The following UNC13B variants were observed in gnomAD, a reference collection of about 807,000 sequenced individuals.
The protein encoded by UNC13B is unc-13 homolog B, also known as protein unc-13 homolog B.
UNC13B carries 144 observed loss-of-function variants against 211.0 expected under a neutral mutation model. That is an observed-to-expected ratio of 0.68 (90% CI 0.60 to 0.78). The LOEUF is 0.78. UNC13B is among the 30% of genes least tolerant of loss of function. UNC13B has a pLI of 0.00. For synonymous variants in UNC13B, 709 were observed against 725.8 expected, an observed-to-expected ratio of 0.98 and a Z score of 0.37; for missense variants, 1,777 against 2,002.0, an observed-to-expected ratio of 0.89 and a Z score of 2.14.
chr9:35,351,273 A>T, intron 11 of UNC13B: 1 of 1,165,972 alleles, frequency 8.6e-7, no homozygotes. Flanking sequence ...ACCTGAGTGC[A>T]CTATTTTCCT....
rs1178923171 is a variant in UNC13B at position 35,403,563 on chromosome 9, A to T, written c.12701A>T (p.Asn4234Ile). ...AAGTTCACAACCAAATCCAAAAGCA[A>T]CAACTGGGCCCCCAAGTACAATGAG... ...KRKFTTKSKS[N>I]NWAPKYNETF... Residue 4234 changes from asparagine to isoleucine, a missense_variant, in exon 39 of 40, where the codon AAC (asparagine) becomes ATC (isoleucine). Asn to Ile is a moderately radical substitution (Grantham distance 149). Coordinates refer to ENST00000635942, the MANE Select transcript of UNC13B (RefSeq NM_001371189.2). 17 of 1,596,910 alleles carry T rather than the reference A, an allele frequency of 1.1e-5. No homozygotes were observed. Among genetic ancestry groups the T allele is most frequent in the Non-Finnish European group, 1.3e-5 (15 of 1,170,474 alleles).
At chr9:35,377,290 A>C (rs1438890680) in intron 15 of UNC13B, among the ~76,000 whole-genome samples, 178 bp from the exon 16 acceptor site, 1 of 152,220 alleles carries the variant, frequency 6.6e-6, no homozygotes, top group Non-Finnish European at 1.5e-5. Flanking sequence ...ACTTGGCCAA[A>C]ATCCATCATG....
intron 6 of UNC13B, among the ~76,000 whole-genome samples, chr9:35,247,769 A>G (rs547188082): frequency 1.3e-4 from 20 of 152,302 alleles, no homozygotes; most frequent in African/African-American, 4.3e-4. Flanking sequence ...TATTTTATTA[A>G]GGATTTTTGC....
At chr9:35,179,467 A>G (rs1485314106) in intron 1 of UNC13B, among the ~76,000 whole-genome samples, 1 of 152,116 alleles carries the variant, frequency 6.6e-6, no homozygotes, top group East Asian at 1.9e-4. Context: ...CTAAAACTGT[A>G]TCTATAAGTA....
intron 7 of UNC13B, among the ~76,000 whole-genome samples, chr9:35,269,652 G>A (rs1363938607): frequency 6.6e-6 from 1 of 152,156 alleles, no homozygotes; most frequent in Non-Finnish European, 1.5e-5. Flanking sequence ...TATCACATTA[G>A]CATTAACTCA....
chr9:35,381,514 A>G (rs1834835692), intron 19 of UNC13B, 42 bp from the exon 20 acceptor site: 3 of 1,569,310 alleles, frequency 1.9e-6, no homozygotes, highest in Non-Finnish European at 8.6e-7. Flanking sequence ...TGTCTTTCAT[A>G]TGTGTTTAAC....
intron 11 of UNC13B, among the ~76,000 whole-genome samples, chr9:35,341,532 G>T (rs1038281404): frequency 1.3e-5 from 2 of 152,172 alleles, no homozygotes; most frequent in Non-Finnish European, 2.9e-5. Flanking sequence ...CTGTGTTCCG[G>T]CTTCCCTCTG....
chr9:35,173,034 A>T (rs973058154), intron 1 of UNC13B, among the ~76,000 whole-genome samples: 1 of 152,144 alleles, frequency 6.6e-6, no homozygotes, highest in Non-Finnish European at 1.5e-5. Context: ...TTCTCTTGCA[A>T]CTGTTTGCTT....
At chr9:35,245,903 C>A (rs956204438) in intron 6 of UNC13B, among the ~76,000 whole-genome samples, 1 of 152,150 alleles carries the variant, frequency 6.6e-6, no homozygotes, top group Non-Finnish European at 1.5e-5. Flanking sequence ...ATTTCTAGTT[C>A]TAGATCCCTG....
chr9:35,346,084 G>A (rs1007912169), intron 11 of UNC13B, among the ~76,000 whole-genome samples: 1 of 152,094 alleles, frequency 6.6e-6, no homozygotes, highest in Admixed American at 6.5e-5. Context: ...GCCATATCTT[G>A]TGCCCTGATC....
At chr9:35,342,744 A>G (rs1042575126) in intron 11 of UNC13B, among the ~76,000 whole-genome samples, 9 of 152,228 alleles carry the variant, frequency 5.9e-5, no homozygotes, top group Non-Finnish European at 1.3e-4. Flanking sequence ...TCCAGCTTGC[A>G]TATATGAATA....
At chr9:35,390,512 C>T (rs1468412911) in intron 25 of UNC13B, 117 bp from the exon 26 acceptor site, 6 of 1,168,898 alleles carry the variant, frequency 5.1e-6, no homozygotes, top group African/African-American at 1.6e-5. Flanking sequence ...AGCCCTGTTC[C>T]CTAAGCATCT....
At chr9:35,264,840 G>A (rs1237427871) in intron 7 of UNC13B, among the ~76,000 whole-genome samples, 1 of 152,144 alleles carries the variant, frequency 6.6e-6, no homozygotes, top group Non-Finnish European at 1.5e-5. Context: ...GACTTGCTTA[G>A]GACCTGTCAC....
intron 7 of UNC13B, among the ~76,000 whole-genome samples, 198 bp downstream of exon 7, chr9:35,259,248 A>G (rs777361482): frequency 2.0e-5 from 3 of 151,972 alleles, no homozygotes; most frequent in Admixed American, 6.6e-5. Context: ...TCGGTTTTGT[A>G]TGGGGGGAGT....
chr9:35,237,886 A>G (rs1160556267), intron 5 of UNC13B, 60 bp downstream of exon 5: 4 of 1,522,838 alleles, frequency 2.6e-6, no homozygotes, highest in African/African-American at 1.4e-5. Context: ...ATTGTTTGCT[A>G]GTTGTTTCAT....
intron 1 of UNC13B, among the ~76,000 whole-genome samples, chr9:35,207,129 A>G (rs1263377214): frequency 6.6e-6 from 1 of 152,068 alleles, no homozygotes; most frequent in African/African-American, 2.4e-5. Context: ...TTCAAGCTCA[A>G]AGTTACTATT....
intron 3 of UNC13B, among the ~76,000 whole-genome samples, chr9:35,232,350 GT>G: frequency 6.6e-6 from 1 of 150,870 alleles, no homozygotes; most frequent in Admixed American, 6.6e-5. Flanking sequence ...CTTGGCTAAT[GT>G]TTTTATTTTT....
In UNC13B at chr9:35,233,562, C is replaced by T. The variant is rs147683869; in HGVS notation, c.152+2343C>T. Among the ~76,000 whole-genome samples the T allele has an allele frequency of 3.6e-3, 551 of 152,254 alleles. 3 individuals carry two copies. The highest frequency in any genetic ancestry group is 3.5e-3 in the Admixed American group (53 of 15,290). ...ACTCCTTGCAGAACTTAGTCTACTA[C>T]CCTGTCCTTTTGTCACCGGAATCTC... On this transcript the variant is annotated intron_variant, in intron 3 of 39. Coordinates refer to ENST00000635942, the MANE Select transcript of UNC13B (RefSeq NM_001371189.2).
intron 1 of UNC13B, among the ~76,000 whole-genome samples, chr9:35,179,081 C>T (rs1266977850): frequency 6.6e-6 from 1 of 152,090 alleles, no homozygotes; most frequent in Non-Finnish European, 1.5e-5. Flanking sequence ...CTTTTCCATA[C>T]TGAAAAGCTG....
Sources: gnomAD v4.1 joint callset for allele counts (sites outside exome capture counted in the v4.1 genomes callset) on GRCh38, gnomAD v4.1.1 for gene constraint, MANE v1.5 for transcripts, NCBI Gene and HGNC (gene_info 2026-07-23, HGNC 2026-07-21) for gene names.